SGCD: variants seen among roughly 807,000 people sequenced by gnomAD.
SGCD encodes the protein sarcoglycan delta, also known as delta-sarcoglycan.
In SGCD, 18 loss-of-function variants were observed where a neutral mutation model predicts 36.6. That is an observed-to-expected ratio of 0.49 (90% CI 0.34 to 0.73). The LOEUF (loss-of-function observed/expected upper bound fraction) is 0.73, where lower values mean the gene tolerates loss of function less well. SGCD is among the 30% of genes least tolerant of loss of function. The probability of loss-of-function intolerance (pLI) is 0.01; values close to 1 mark genes in which losing one functional copy is unlikely to be tolerated. For synonymous variants in SGCD, 133 were observed against 130.6 expected (o/e 1.02, Z -0.12); for missense variants, 387 against 346.7 (o/e 1.12, Z -0.92).
the SGCD span, among the ~76,000 whole-genome samples, chr5:155,788,923 A>C: frequency 1.3e-5 from 2 of 152,204 alleles, no homozygotes; most frequent in African/African-American, 2.4e-5. Flanking sequence ...AAACGGTCAA[A>C]ATACCTGGCA....
chr5:156,028,583 G>T (rs1759272989), intron 1 of SGCD, among the ~76,000 whole-genome samples: 1 of 152,034 alleles, frequency 6.6e-6, no homozygotes, highest in Non-Finnish European at 1.5e-5. Flanking sequence ...TATAGGAATT[G>T]GTCAATAATT....
At chr5:156,336,951 A>G (rs1258887250) in intron 2 of SGCD, among the ~76,000 whole-genome samples, 1 of 152,256 alleles carries the variant, frequency 6.6e-6, no homozygotes, top group East Asian at 1.9e-4. Flanking sequence ...GCTAGTTCAC[A>G]TAAATAGGTG....
intron 7 of SGCD, among the ~76,000 whole-genome samples, chr5:156,655,778 A>G (rs1054384421): frequency 1.3e-5 from 2 of 152,132 alleles, no homozygotes; most frequent in Non-Finnish European, 2.9e-5. Flanking sequence ...ATGATCTTAA[A>G]CTATGAATAT....
At chr5:156,078,622 A>G (rs956825452) in intron 1 of SGCD, among the ~76,000 whole-genome samples, 7 of 144,746 alleles carry the variant, frequency 4.8e-5, no homozygotes, top group Non-Finnish European at 9.2e-5. Flanking sequence ...TACACACAGT[A>G]TATATACACA....
intron 3 of SGCD, among the ~76,000 whole-genome samples, chr5:156,170,419 C>A (rs1361080746): frequency 6.6e-6 from 1 of 152,090 alleles, no homozygotes; most frequent in Admixed American, 6.6e-5. Flanking sequence ...AATCATAAAG[C>A]CTTTGGCAGT....
At chr5:156,725,273 C>A (rs935011528) in intron 7 of SGCD, among the ~76,000 whole-genome samples, 7 of 152,096 alleles carry the variant, frequency 4.6e-5, no homozygotes, top group African/African-American at 1.2e-4. Context: ...GATCAAGAAG[C>A]GTTGCATATC....
intron 7 of SGCD, among the ~76,000 whole-genome samples, chr5:156,724,418 C>T (rs1209088435): frequency 6.6e-6 from 1 of 152,090 alleles, no homozygotes. Context: ...TCCTGGCTAA[C>T]ACGGTGAAAC....
At chr5:155,812,159 G>A in the SGCD span, among the ~76,000 whole-genome samples, 115 of 152,310 alleles carry the variant, frequency 7.6e-4, no homozygotes, top group African/African-American at 2.7e-3. Context: ...ACCCTAAAGA[G>A]GCCTAGAAAA....
At chr5:156,411,488 G>T (rs577561473) in intron 3 of SGCD, among the ~76,000 whole-genome samples, 95 of 152,298 alleles carry the variant, frequency 6.2e-4, no homozygotes, top group African/African-American at 2.2e-3. Context: ...CTGTTCAGTG[G>T]AAAGAAAGTG....
At chr5:155,749,077 T>A in the SGCD span, among the ~76,000 whole-genome samples, 1 of 152,244 alleles carries the variant, frequency 6.6e-6, no homozygotes, top group Non-Finnish European at 1.5e-5. Flanking sequence ...GCATGCAGAA[T>A]ACTTACATAG....
chr5:156,726,560 A>G (rs1278888095), intron 7 of SGCD, among the ~76,000 whole-genome samples: 1 of 152,214 alleles, frequency 6.6e-6, no homozygotes. Context: ...TTCAGCCAAC[A>G]AGGTTCTAAT....
At chr5:156,356,282 G>C (rs1363107272) in intron 3 of SGCD, among the ~76,000 whole-genome samples, 1 of 152,058 alleles carries the variant, frequency 6.6e-6, no homozygotes, top group African/African-American at 2.4e-5. Flanking sequence ...AGACTCAAAG[G>C]CCTGGGGTAT....
chr5:156,730,558 A>AT (rs1172945499), intron 7 of SGCD, among the ~76,000 whole-genome samples: 2 of 151,956 alleles, frequency 1.3e-5, no homozygotes, highest in Admixed American at 6.6e-5. Flanking sequence ...ATATGATTTC[A>AT]TTTTTTTATG....
At chr5:156,535,056 C>A (rs184557966) in intron 4 of SGCD, among the ~76,000 whole-genome samples, 269 of 152,302 alleles carry the variant, frequency 1.8e-3, no homozygotes, top group African/African-American at 6.1e-3. Context: ...TGAGCTGAAG[C>A]CAATTAAAAT....
chr5:156,538,985 G>A (rs1758238795), intron 4 of SGCD, among the ~76,000 whole-genome samples: 1 of 152,084 alleles, frequency 6.6e-6, no homozygotes, highest in Non-Finnish European at 1.5e-5. Flanking sequence ...AAGCACAAAA[G>A]GGATTCAAAA....
intron 1 of SGCD, among the ~76,000 whole-genome samples, chr5:155,907,973 A>G (rs992682090): frequency 3.3e-5 from 5 of 152,142 alleles, no homozygotes; most frequent in Non-Finnish European, 1.5e-5. Context: ...TTTAATTTTA[A>G]GAAACTGCCA....
chr5:156,351,927 G>A (rs549419291), intron 3 of SGCD, among the ~76,000 whole-genome samples: 1 of 152,066 alleles, frequency 6.6e-6, no homozygotes, highest in Non-Finnish European at 1.5e-5. Flanking sequence ...GCCCTAACTG[G>A]CCATGAACTA....
chr5:156,623,136 AATAT>A (rs576149147), intron 6 of SGCD, among the ~76,000 whole-genome samples: 5 of 152,244 alleles, frequency 3.3e-5, no homozygotes, highest in African/African-American at 7.2e-5. Context: ...ACATTAGATA[AATAT>A]ATATACATAC....
the SGCD span, among the ~76,000 whole-genome samples, chr5:155,831,721 C>T: frequency 1.3e-5 from 2 of 152,198 alleles, no homozygotes; most frequent in Non-Finnish European, 2.9e-5. Flanking sequence ...TCTTGTACTG[C>T]AATCGGGTCT....
Sources: allele counts gnomAD v4.1 joint callset (sites outside exome capture counted in the v4.1 genomes callset), GRCh38; gene constraint gnomAD v4.1.1; transcripts MANE v1.5; gene names NCBI Gene and HGNC (gene_info 2026-07-23, HGNC 2026-07-21).